Variants in HS2ST1 observed in about 807,000 individuals in gnomAD.
HS2ST1 encodes the protein heparan sulfate 2-O-sulfotransferase 1.
HS2ST1 carries 18 observed loss-of-function variants against 42.9 expected under a neutral mutation model. That is an observed-to-expected ratio of 0.42 (90% CI 0.29 to 0.62). The LOEUF (loss-of-function observed/expected upper bound fraction) is 0.62, where lower values mean the gene tolerates loss of function less well. HS2ST1 is among the 20% of genes least tolerant of loss of function. The pLI, the probability that HS2ST1 is intolerant of heterozygous loss-of-function variation, is 0.21. For missense variants in HS2ST1, 334 were observed against 433.8 expected (o/e 0.77, Z 2.04); for synonymous variants, 146 against 152.9 (o/e 0.95, Z 0.33).
intron 1 of HS2ST1, among the ~76,000 whole-genome samples, chr1:86,924,126 G>T (rs1557481098): frequency 6.6e-6 from 1 of 152,224 alleles, no homozygotes; most frequent in Non-Finnish European, 1.5e-5. Flanking sequence ...CAGGCCCCAT[G>T]CAAGTCTGAA....
At chr1:87,064,547 A>C (rs757058875) in intron 1 of HS2ST1, 3 of 517,380 alleles carry the variant, frequency 5.8e-6, no homozygotes, top group East Asian at 1.1e-4. Flanking sequence ...CCTGTTGACT[A>C]TCTGGAAACC....
chr1:87,074,326 C>A (rs1322867281), intron 2 of HS2ST1, among the ~76,000 whole-genome samples: 2 of 152,148 alleles, frequency 1.3e-5, no homozygotes, highest in Non-Finnish European at 2.9e-5. Context: ...ATCTCAAGGA[C>A]AAGTATCCTA....
chr1:86,985,429 TAC>T lies in HS2ST1; in HGVS notation c.124+70275_124+70276del, dbSNP rs1307955740. The stretch of plus-strand genomic sequence containing the variant: ...ATATACACATATATATACACATATA[TAC>T]ACACATATATACACATATATACACA... On this transcript the variant is annotated intron_variant, in intron 1 of 6. Coordinates refer to ENST00000370550, the MANE Select transcript of HS2ST1 (RefSeq NM_012262.4). Among the ~76,000 whole-genome samples, 2 of 51,062 alleles carry T rather than the reference TAC, an allele frequency of 3.9e-5. 1 individual carries two copies. The highest frequency in any genetic ancestry group is 9.6e-5 in the Non-Finnish European group (2 of 20,938). The allele number at this position is 51,062 out of a possible 152,430, so 33.5% of individuals were successfully genotyped here. A position where few individuals can be genotyped will look rare whatever the true frequency, so the allele number is the denominator to read the frequency against.
At chr1:87,022,903 A>G (rs1207107321) in intron 1 of HS2ST1, among the ~76,000 whole-genome samples, 1 of 152,196 alleles carries the variant, frequency 6.6e-6, no homozygotes, top group Non-Finnish European at 1.5e-5. Flanking sequence ...ATGAATGTGA[A>G]TGGTTGTGGC....
Position 86,923,241 on chromosome 1 carries a change from C to T in HS2ST1, c.124+8081C>T, listed in dbSNP as rs72947853. ...AACATCCTGTATTAGCCCGTTTTGACGCCCTGAGACTGAGTAACTTACAAA... is the reference window on the plus strand; with the variant it reads ...AACATCCTGTATTAGCCCGTTTTGATGCCCTGAGACTGAGTAACTTACAAA... On this transcript the variant is annotated intron_variant, in intron 1 of 6. Transcript: ENST00000370550. 3.1e-3 allele frequency among the ~76,000 whole-genome samples: 471 copies of T among 152,206 alleles called. 2 individuals carry two copies. Among genetic ancestry groups the T allele is most frequent in the African/African-American group, 0.01 (433 of 41,518 alleles).
chr1:87,015,980 A>T (rs1649745245), intron 1 of HS2ST1, among the ~76,000 whole-genome samples: 1 of 151,326 alleles, frequency 6.6e-6, no homozygotes, highest in Admixed American at 6.6e-5. Flanking sequence ...CCACGCCCTG[A>T]TAATTTTTAT....
At chr1:86,947,785 T>C (rs1647384265) in intron 1 of HS2ST1, among the ~76,000 whole-genome samples, 1 of 152,056 alleles carries the variant, frequency 6.6e-6, no homozygotes, top group Admixed American at 6.6e-5. Context: ...TGTGTGCCGT[T>C]TGAGGGAAGG....
intron 1 of HS2ST1, among the ~76,000 whole-genome samples, chr1:86,931,749 A>T (rs573843072): frequency 6.6e-6 from 1 of 152,202 alleles, no homozygotes; most frequent in South Asian, 2.1e-4. Flanking sequence ...ATGATTGTTG[A>T]GCACATTTTG....
intron 1 of HS2ST1, among the ~76,000 whole-genome samples, chr1:87,047,663 G>GAGGT (rs1650720108): frequency 6.6e-6 from 1 of 152,146 alleles, no homozygotes; most frequent in Non-Finnish European, 1.5e-5. Flanking sequence ...ATTTGTTGAA[G>GAGGT]AGGTGATCAT....
chr1:86,933,573 A>G (rs1200376039), intron 1 of HS2ST1, among the ~76,000 whole-genome samples: 1 of 152,116 alleles, frequency 6.6e-6, no homozygotes. Context: ...TTTCCATTAA[A>G]GCCCTTAGCA....
chr1:87,055,292 T>G (rs745378108), intron 1 of HS2ST1, among the ~76,000 whole-genome samples: 6 of 152,154 alleles, frequency 3.9e-5, no homozygotes, highest in Non-Finnish European at 8.8e-5. Flanking sequence ...CATTTATTCT[T>G]CCTTCCCCAA....
chr1:87,001,439 T>C (rs1009689442), intron 1 of HS2ST1, among the ~76,000 whole-genome samples: 1 of 152,222 alleles, frequency 6.6e-6, no homozygotes, highest in African/African-American at 2.4e-5. Flanking sequence ...AGAAAATTTG[T>C]AATCTAAATT....
intron 2 of HS2ST1, among the ~76,000 whole-genome samples, chr1:87,081,418 TAAAC>T (rs1200302704): frequency 6.6e-6 from 1 of 152,152 alleles, no homozygotes. Flanking sequence ...ACATGGAAAT[TAAAC>T]AACGTGCTCC....
intron 1 of HS2ST1, among the ~76,000 whole-genome samples, chr1:86,967,111 G>A (rs1375724532): frequency 6.6e-6 from 1 of 151,936 alleles, no homozygotes; most frequent in Non-Finnish European, 1.5e-5. Flanking sequence ...GGCTGGTCTC[G>A]AACTCCTGAC....
intron 1 of HS2ST1, among the ~76,000 whole-genome samples, chr1:87,047,833 A>G (rs1453571483): frequency 6.6e-6 from 1 of 152,150 alleles, no homozygotes; most frequent in East Asian, 1.9e-4. Flanking sequence ...CCAGTACTAT[A>G]CTGTCTGGAT....
intron 1 of HS2ST1, among the ~76,000 whole-genome samples, chr1:87,003,306 T>C (rs1025681166): frequency 2.0e-5 from 3 of 152,200 alleles, no homozygotes; most frequent in African/African-American, 7.2e-5. Context: ...AATAGAATAA[T>C]GTTTACACAT....
At chr1:87,082,831 C>G (rs1651725868) in intron 2 of HS2ST1, among the ~76,000 whole-genome samples, 1 of 152,152 alleles carries the variant, frequency 6.6e-6, no homozygotes, top group African/African-American at 2.4e-5. Flanking sequence ...TTATTTGGCT[C>G]TTTCAGTTTC....
chr1:87,034,870 G>T (rs915829876), intron 1 of HS2ST1, among the ~76,000 whole-genome samples: 6 of 152,154 alleles, frequency 3.9e-5, no homozygotes, highest in African/African-American at 1.2e-4. Flanking sequence ...AAAGGACTTT[G>T]TAGGTGTGAT....
At chr1:86,939,223 T>C (rs1199865837) in intron 1 of HS2ST1, among the ~76,000 whole-genome samples, 2 of 152,228 alleles carry the variant, frequency 1.3e-5, no homozygotes, top group Non-Finnish European at 2.9e-5. Flanking sequence ...GAAAAACAAA[T>C]GTTTCATATC....
Sources: allele counts gnomAD v4.1 joint callset (sites outside exome capture counted in the v4.1 genomes callset), GRCh38; gene constraint gnomAD v4.1.1; transcripts MANE v1.5; gene names NCBI Gene and HGNC (gene_info 2026-07-23, HGNC 2026-07-21).